The following GGCT variants were observed in gnomAD, a reference collection of about 807,000 sequenced individuals.
The protein encoded by GGCT is gamma-glutamylcyclotransferase.
Under a neutral mutation model 22.1 loss-of-function variants are expected in GGCT, and 20 were observed. That is an observed-to-expected ratio of 0.91 (90% confidence interval 0.64 to 1.32). The LOEUF (loss-of-function observed/expected upper bound fraction) is 1.32, where lower values mean the gene tolerates loss of function less well. GGCT is among the 40% of genes most tolerant of loss of function. The pLI, the probability that GGCT is intolerant of heterozygous loss-of-function variation, is 0.00. For missense variants in GGCT, 209 were observed against 223.5 expected (o/e 0.94, Z 0.41); for synonymous variants, 72 against 78.4 (o/e 0.92, Z 0.43).
At chr7:30,498,125 T>C (rs992392338) in intron 3 of GGCT, among the ~76,000 whole-genome samples, 1 of 148,926 alleles carries the variant, frequency 6.7e-6, no homozygotes, top group African/African-American at 2.4e-5. Flanking sequence ...TAAATATTCT[T>C]TCCTACTTTA....
chr7:30,499,420 A>G (rs909396798), intron 2 of GGCT, among the ~76,000 whole-genome samples: 3 of 147,112 alleles, frequency 2.0e-5, no homozygotes, highest in African/African-American at 7.6e-5. Flanking sequence ...GAAAAAAAAA[A>G]AGGCCGGGTG....
intron 3 of GGCT, chr7:30,497,719 C>T (rs755524545): frequency 1.1e-5 from 15 of 1,320,852 alleles, no homozygotes; most frequent in Admixed American, 6.6e-5. Context: ...AAATTCCAAA[C>T]GAGGCCTAGG....
At chr7:30,502,161 T>C (rs915240940) in intron 1 of GGCT, among the ~76,000 whole-genome samples, 2 of 152,162 alleles carry the variant, frequency 1.3e-5, no homozygotes, top group Non-Finnish European at 2.9e-5. Context: ...AGGCCATGGG[T>C]GTCCAACCCT....
chr7:30,497,930 A>T (rs928407796), intron 3 of GGCT: 10 of 1,278,534 alleles, frequency 7.8e-6, no homozygotes, highest in Non-Finnish European at 1.0e-5. Flanking sequence ...AGTAGAAAGT[A>T]TGTTTTTTTC....
At chr7:30,497,986 GGA>G (rs1420312502) in intron 3 of GGCT, 4 of 322,866 alleles carry the variant, frequency 1.2e-5, no homozygotes, top group African/African-American at 2.3e-5. Context: ...TGTGTTACGG[GGA>G]GAAAAACATT....
At chr7:30,499,176 C>A in intron 2 of GGCT, 1 of 473,152 alleles carries the variant, frequency 2.1e-6, no homozygotes, top group East Asian at 4.3e-5. Context: ...CTTTGGGAGG[C>A]TGAGGTGGAT....
chr7:30,500,369 A>G (rs1233723315), intron 2 of GGCT, among the ~76,000 whole-genome samples, 167 bp downstream of exon 2: 1 of 152,224 alleles, frequency 6.6e-6, no homozygotes, highest in East Asian at 1.9e-4. Flanking sequence ...GCCTTTCTAG[A>G]CCTTTTAGCA....
At chr7:30,499,650 T>G (rs1436592677) in intron 2 of GGCT, among the ~76,000 whole-genome samples, 4 of 151,108 alleles carry the variant, frequency 2.6e-5, no homozygotes, top group Non-Finnish European at 1.5e-5. Flanking sequence ...AGGCAGAGGT[T>G]GGGGTGAGCC....
intron 1 of GGCT, among the ~76,000 whole-genome samples, chr7:30,502,391 C>T (rs1002580798): frequency 6.6e-6 from 1 of 152,178 alleles, no homozygotes; most frequent in Non-Finnish European, 1.5e-5. Context: ...ATTCATTTGG[C>T]AATTTGCTCA....
At chr7:30,499,649 T>G (rs141488154) in intron 2 of GGCT, among the ~76,000 whole-genome samples, 5,151 of 151,556 alleles carry the variant, frequency 0.034, 115 homozygotes, top group African/African-American at 0.054. Context: ...GAGGCAGAGG[T>G]TGGGGTGAGC....
chr7:30,500,725 C>G, intron 1 of GGCT, 44 bp from the exon 2 acceptor site: 1 of 1,530,692 alleles, frequency 6.5e-7, no homozygotes, highest in Middle Eastern at 1.9e-4. Flanking sequence ...CCACTTGAAT[C>G]CAAATTTCCC....
rs1479069122 is a variant in GGCT, at chr7:30,496,866, T to A, written c.*226A>T. The stretch of plus-strand genomic sequence containing the variant: ...GTGTTCACAGAAGGGGTACTCACAT[T>A]CATTTGTCACATATTTCAGGCCCTC... On this transcript the variant is annotated 3_prime_UTR_variant, in exon 4 of 4. Transcript: ENST00000275428. 1 of 329,958 alleles carries A rather than the reference T, an allele frequency of 3.0e-6. No homozygotes were observed. Among genetic ancestry groups the A allele is most frequent in the East Asian group, 5.0e-5 (1 of 19,970 alleles). 20.4% of individuals were successfully genotyped at this position (329,958 alleles called of 1,614,324 possible).
chr7:30,496,856 G>A lies in GGCT; in HGVS notation c.*236C>T, dbSNP rs1013196515. 1 of 312,504 alleles carries A rather than the reference G, an allele frequency of 3.2e-6. No homozygotes were observed. The highest frequency in any genetic ancestry group is 2.2e-5 in the African/African-American group (1 of 46,204). 19.4% of individuals were successfully genotyped at this position (312,504 alleles called of 1,614,324 possible). ...ATAGCTTTCAGTGTTCACAGAAGGGGTACTCACATTCATTTGTCACATATT... is the reference window on the plus strand; with the variant it reads ...ATAGCTTTCAGTGTTCACAGAAGGGATACTCACATTCATTTGTCACATATT... On this transcript the variant is annotated 3_prime_UTR_variant, in exon 4 of 4. Transcript: ENST00000275428.
chr7:30,502,357 C>T (rs1789724625), intron 1 of GGCT, among the ~76,000 whole-genome samples: 1 of 152,168 alleles, frequency 6.6e-6, no homozygotes, highest in African/African-American at 2.4e-5. Context: ...AGGTTGGACA[C>T]CCATGGTCTA....
rs542533833 is a variant in GGCT at position 30,497,163 on chromosome 7, T to G, written c.496A>C (p.Asn166His). 1 of 1,610,014 alleles carries G rather than the reference T, an allele frequency of 6.2e-7. No individual in the cohort carries two copies. Among genetic ancestry groups the G allele is most frequent in the African/African-American group, 1.3e-5 (1 of 74,948 alleles). The change falls in exon 4 of 4, where the codon AAT becomes CAT. Residue 166 changes from asparagine to histidine, a missense_variant. By Grantham distance (68) the Asn-to-His change is moderately conservative. Coordinates refer to ENST00000275428, the MANE Select transcript of GGCT (RefSeq NM_024051.4). ...TCTGAGACCTTTCCTGTATAGTCAT[T>G]TGGTTCTATTGCTTTTAACTTCTCT... is the stretch of plus-strand genomic sequence containing the variant. ...YQEKLKAIEPNDYTGKVSEEI... is the reference protein window; with the variant it reads ...YQEKLKAIEPHDYTGKVSEEI...
At chr7:30,501,580 G>C (rs1356527946) in intron 1 of GGCT, among the ~76,000 whole-genome samples, 3 of 151,986 alleles carry the variant, frequency 2.0e-5, no homozygotes, top group Non-Finnish European at 2.9e-5. Context: ...GGCAATCAGG[G>C]GATAGAGTCC....
intron 2 of GGCT, among the ~76,000 whole-genome samples, chr7:30,499,931 A>C (rs1326239336): frequency 6.6e-6 from 1 of 152,170 alleles, no homozygotes; most frequent in Non-Finnish European, 1.5e-5. Flanking sequence ...CACCTAGAAC[A>C]AAGGTAGAGA....
chr7:30,497,762 G>C, intron 3 of GGCT: 8 of 1,445,596 alleles, frequency 5.5e-6, no homozygotes, highest in Non-Finnish European at 7.4e-6. Flanking sequence ...GCCATGACCT[G>C]ATTGGGCCTG....
chr7:30,503,050 T>A (rs1430900024), intron 1 of GGCT, among the ~76,000 whole-genome samples: 1 of 152,204 alleles, frequency 6.6e-6, no homozygotes, highest in Non-Finnish European at 1.5e-5. Context: ...TCCAGCTTCC[T>A]CTTTCTTCAG....
Sources: gnomAD v4.1 joint callset for allele counts (sites outside exome capture counted in the v4.1 genomes callset) on GRCh38, gnomAD v4.1.1 for gene constraint, MANE v1.5 for transcripts, NCBI Gene and HGNC (gene_info 2026-07-23, HGNC 2026-07-21) for gene names.